The following STON1 variants were observed in gnomAD, a reference collection of about 807,000 sequenced individuals.
STON1 encodes stonin-1.
Under a neutral mutation model 60.9 loss-of-function variants are expected in STON1, and 79 were observed. That is an observed-to-expected ratio of 1.30 (90% CI 1.08 to 1.56). The LOEUF (loss-of-function observed/expected upper bound fraction) is 1.56, where lower values mean the gene tolerates loss of function less well. Ranked by LOEUF, STON1 falls within the 40% of genes most tolerant of loss-of-function variation. STON1 has a pLI of 0.00. For synonymous variants in STON1, 363 were observed against 306.9 expected (o/e 1.18, Z -1.91); for missense variants, 1,166 against 858.9 (o/e 1.36, Z -4.47).
intron 1 of STON1, among the ~76,000 whole-genome samples, chr2:48,537,560 T>G (rs1671479095): frequency 6.6e-6 from 1 of 152,152 alleles, no homozygotes; most frequent in African/African-American, 2.4e-5. Flanking sequence ...TTTTAAAATA[T>G]TGGTCTGGCT....
At chr2:48,583,709 A>G (rs940142545) in intron 2 of STON1, among the ~76,000 whole-genome samples, 37 of 149,074 alleles carry the variant, frequency 2.5e-4, no homozygotes, top group Non-Finnish European at 4.7e-4. Flanking sequence ...TGATGCATTC[A>G]TGCATCCATC....
intron 2 of STON1, among the ~76,000 whole-genome samples, chr2:48,590,013 G>A (rs1395065870): frequency 6.6e-6 from 1 of 152,202 alleles, no homozygotes; most frequent in Non-Finnish European, 1.5e-5. Context: ...GAGGCTCAGA[G>A]AGATAAGCAA....
chr2:48,577,274 A>G (rs1201719785), intron 1 of STON1, among the ~76,000 whole-genome samples: 1 of 149,876 alleles, frequency 6.7e-6, no homozygotes. Flanking sequence ...TTTCCTCTGC[A>G]TTTTTTTCTC....
chr2:48,592,759 C>T (rs768225479), intron 3 of STON1, among the ~76,000 whole-genome samples: 3 of 151,960 alleles, frequency 2.0e-5, no homozygotes, highest in African/African-American at 7.3e-5. Flanking sequence ...CCATGCCTAG[C>T]CTATTGGTAG....
chr2:48,577,429 A>G (rs184868963), intron 1 of STON1, among the ~76,000 whole-genome samples: 6 of 151,790 alleles, frequency 4.0e-5, no homozygotes, highest in African/African-American at 1.4e-4. Flanking sequence ...AAAAATACCA[A>G]AATTAGCCTG....
intron 1 of STON1, among the ~76,000 whole-genome samples, chr2:48,561,486 A>G (rs906167902): frequency 2.6e-5 from 4 of 152,226 alleles, no homozygotes; most frequent in Non-Finnish European, 5.9e-5. Flanking sequence ...AAATCATCAA[A>G]TAGAAGCCTC....
intron 1 of STON1, among the ~76,000 whole-genome samples, chr2:48,533,246 G>C (rs1671286636): frequency 6.6e-6 from 1 of 152,016 alleles, no homozygotes; most frequent in Non-Finnish European, 1.5e-5. Context: ...GGTGGGCATG[G>C]TGGCGGGCAC....
rs1404856120 is a variant in STON1, at chr2:48,580,615, C to A, written c.-19C>A. The stretch of plus-strand genomic sequence containing the variant: ...CAACCTATTTGATTTCTTGACAAGA[C>A]CACAATCTGATCCCAAAGATGTGCT... On this transcript the variant is annotated 5_prime_UTR_variant, in exon 2 of 4. Coordinates refer to ENST00000404752, the MANE Select transcript of STON1 (RefSeq NM_006873.4). 3.7e-6 allele frequency: 5 copies of A among 1,337,398 alleles called. No homozygotes were observed. Among genetic ancestry groups the A allele is most frequent in the Non-Finnish European group, 4.8e-6 (5 of 1,036,728 alleles). The allele number at this position is 1,337,398 out of a possible 1,614,324, so 82.8% of individuals were successfully genotyped here.
intron 1 of STON1, among the ~76,000 whole-genome samples, chr2:48,564,453 TTCTTCTTCTTCTTCTTCTTC>T (rs1558604248): frequency 1.5e-4 from 8 of 53,488 alleles, no homozygotes; most frequent in African/African-American, 5.6e-4. Flanking sequence ...CTTCTTCTTC[TTCTTCTTCTTCTTCTTCTTC>T]TTCTTCTTTC....
intron 2 of STON1, among the ~76,000 whole-genome samples, chr2:48,583,749 T>C (rs1212187893): frequency 1.3e-5 from 2 of 148,918 alleles, no homozygotes; most frequent in Admixed American, 6.8e-5. Flanking sequence ...CCAAATCTTT[T>C]TTTTCTTTTT....
At chr2:48,587,717 G>A (rs1191370838) in intron 2 of STON1, among the ~76,000 whole-genome samples, 2 of 152,180 alleles carry the variant, frequency 1.3e-5, no homozygotes, top group African/African-American at 2.4e-5. Context: ...ATATCACCAG[G>A]CCCACAGAGG....
At chr2:48,556,235 C>T (rs1201067155) in intron 1 of STON1, among the ~76,000 whole-genome samples, 2 of 33,920 alleles carry the variant, frequency 5.9e-5, no homozygotes, top group Non-Finnish European at 1.3e-4. Context: ...CCCCACCTCC[C>T]TCCCGGACGG....
At chr2:48,587,954 T>C (rs886593149) in intron 2 of STON1, among the ~76,000 whole-genome samples, 1 of 151,990 alleles carries the variant, frequency 6.6e-6, no homozygotes, top group Non-Finnish European at 1.5e-5. Flanking sequence ...AGCTTCTCCG[T>C]TGAGGGGGTA....
intron 1 of STON1, among the ~76,000 whole-genome samples, chr2:48,545,125 T>G (rs1671817182): frequency 6.6e-6 from 1 of 152,186 alleles, no homozygotes; most frequent in Non-Finnish European, 1.5e-5. Context: ...AAAAATTACC[T>G]TGTTTAAAAA....
chr2:48,586,347 C>A (rs1360613538), intron 2 of STON1, among the ~76,000 whole-genome samples: 2 of 152,184 alleles, frequency 1.3e-5, no homozygotes, highest in Non-Finnish European at 2.9e-5. Context: ...GATACAGACA[C>A]AAACATGATT....
At chr2:48,547,345 G>C (rs184551816) in intron 1 of STON1, among the ~76,000 whole-genome samples, 1 of 152,256 alleles carries the variant, frequency 6.6e-6, no homozygotes, top group Admixed American at 6.5e-5. Flanking sequence ...GCCTCACCAT[G>C]GAGTGTGTTC....
chr2:48,577,041 G>A (rs1370754675), intron 1 of STON1, among the ~76,000 whole-genome samples: 1 of 144,612 alleles, frequency 6.9e-6, no homozygotes, highest in African/African-American at 2.6e-5. Flanking sequence ...GCGACTGAGC[G>A]AGATTCCATC....
chr2:48,543,910 G>A (rs535067228), intron 1 of STON1, among the ~76,000 whole-genome samples: 10 of 152,322 alleles, frequency 6.6e-5, no homozygotes, highest in Non-Finnish European at 1.0e-4. Flanking sequence ...TCTGGGACTA[G>A]GTTTTCCCAG....
chr2:48,557,052 C>T lies in STON1; in HGVS notation c.-47-23535C>T, dbSNP rs1392574349. Among the ~76,000 whole-genome samples the T allele has an allele frequency of 8.8e-5, 9 of 101,882 alleles. 1 individual carries two copies. The highest frequency in any genetic ancestry group is 2.1e-5 in the Non-Finnish European group (1 of 48,088). 66.8% of individuals were successfully genotyped at this position (101,882 alleles called of 152,430 possible). The stretch of plus-strand genomic sequence containing the variant: ...CCCCCCACCTCCCTCCCGGATGGGG[C>T]GGCTGGCCGGGCGGGGGGCTGACCC... On this transcript the variant is annotated intron_variant, in intron 1 of 3. Coordinates refer to ENST00000404752, the MANE Select transcript of STON1 (RefSeq NM_006873.4).
Sources: allele counts gnomAD v4.1 joint callset (sites outside exome capture counted in the v4.1 genomes callset), GRCh38; gene constraint gnomAD v4.1.1; transcripts MANE v1.5; gene names NCBI Gene and HGNC (gene_info 2026-07-23, HGNC 2026-07-21).